The following ULK4 variants were observed in gnomAD, a reference collection of about 807,000 sequenced individuals.
ULK4 encodes the protein inactive serine/threonine-protein kinase ULK4.
In ULK4, 133 loss-of-function variants were observed where a neutral mutation model predicts 160.6. The ratio of observed to expected loss-of-function variants is 0.83; its 90% CI spans 0.72 to 0.96. The LOEUF (loss-of-function observed/expected upper bound fraction) is 0.96, where lower values mean the gene tolerates loss of function less well. Ranked by LOEUF, ULK4 falls within the 40% of genes least tolerant of loss-of-function variation. The pLI is 0.00. For synonymous variants in ULK4, 534 were observed against 539.8 expected (o/e 0.99, Z 0.15); for missense variants, 1,580 against 1,499.5 (o/e 1.05, Z -0.89).
chr3:41,282,731 T>C (rs927917582), intron 35 of ULK4, among the ~76,000 whole-genome samples: 11 of 152,146 alleles, frequency 7.2e-5, no homozygotes, highest in African/African-American at 2.7e-4. Context: ...ATTCAGGACA[T>C]AGGCATGGGC....
intron 35 of ULK4, among the ~76,000 whole-genome samples, chr3:41,299,341 G>A (rs1347306487): frequency 6.6e-6 from 1 of 152,182 alleles, no homozygotes; most frequent in Non-Finnish European, 1.5e-5. Context: ...GGATGCATGA[G>A]GGAGCACAGC....
chr3:41,481,566 G>A (rs944047648), intron 32 of ULK4, among the ~76,000 whole-genome samples: 1 of 152,058 alleles, frequency 6.6e-6, no homozygotes, highest in Admixed American at 6.5e-5. Flanking sequence ...GGTGGCTCAC[G>A]CCTGTAATCC....
rs75008678 is a variant in ULK4, at chr3:41,410,872, C to T, written c.3493-12608G>A. On this transcript the variant is annotated intron_variant, in intron 34 of 36. Coordinates refer to ENST00000301831, the MANE Select transcript of ULK4 (RefSeq NM_017886.4). ...GCCATTCCCCCAAGTGTCTTTGTCT[C>T]TACGTGGCTGTCTTCTCGAAAGGAC... Among the ~76,000 whole-genome samples the T allele has an allele frequency of 2.4e-3, 365 of 152,296 alleles. 2 individuals are homozygous for T. The highest frequency in any genetic ancestry group is 0.015 in the East Asian group (77 of 5,180).
intron 34 of ULK4, among the ~76,000 whole-genome samples, chr3:41,442,521 T>C (rs775805968): frequency 6.6e-6 from 1 of 152,188 alleles, no homozygotes; most frequent in East Asian, 1.9e-4. Flanking sequence ...AGTTAAAACA[T>C]GCAAAATAAT....
At chr3:41,797,612 C>A (rs1284119269) in intron 20 of ULK4, among the ~76,000 whole-genome samples, 2 of 152,184 alleles carry the variant, frequency 1.3e-5, no homozygotes, top group Admixed American at 6.5e-5. Context: ...GTAATCCCAG[C>A]ACTTTGGGAG....
At chr3:41,600,577 T>A (rs529299273) in intron 31 of ULK4, among the ~76,000 whole-genome samples, 1 of 152,220 alleles carries the variant, frequency 6.6e-6, no homozygotes, top group African/African-American at 2.4e-5. Context: ...TGAACAACAC[T>A]GTCCATTCTG....
At chr3:41,882,201 T>C (rs1352249648) in intron 17 of ULK4, 2 of 702,880 alleles carry the variant, frequency 2.8e-6, no homozygotes, top group African/African-American at 3.5e-5. Flanking sequence ...TATCTATACA[T>C]ACACAAGGCA....
intron 31 of ULK4, among the ~76,000 whole-genome samples, chr3:41,570,111 C>T (rs1026300210): frequency 6.6e-6 from 1 of 152,202 alleles, no homozygotes; most frequent in Non-Finnish European, 1.5e-5. Flanking sequence ...AAAATACCCA[C>T]ACTGCATCTG....
At chr3:41,754,157 G>A (rs2038718526) in intron 22 of ULK4, among the ~76,000 whole-genome samples, 1 of 151,900 alleles carries the variant, frequency 6.6e-6, no homozygotes, top group Non-Finnish European at 1.5e-5. Context: ...GGCACACCAG[G>A]GATTTCTCAC....
intron 32 of ULK4, among the ~76,000 whole-genome samples, chr3:41,531,820 G>A (rs2086330742): frequency 6.6e-6 from 1 of 152,162 alleles, no homozygotes; most frequent in African/African-American, 2.4e-5. Context: ...TTTTTCAAAG[G>A]TGGAGTATGC....
intron 21 of ULK4, among the ~76,000 whole-genome samples, chr3:41,780,664 C>T (rs1195812891): frequency 6.6e-6 from 1 of 152,206 alleles, no homozygotes; most frequent in African/African-American, 2.4e-5. Context: ...CTTCCAACCA[C>T]ACAAGCACCA....
At chr3:41,961,550 A>ACCCCACCCCC (rs57463009) in intron 1 of ULK4, among the ~76,000 whole-genome samples, 1 of 124,692 alleles carries the variant, frequency 8.0e-6, no homozygotes, top group Non-Finnish European at 1.6e-5. Context: ...GTAGTCACTC[A>ACCCCACCCCC]CCCCCCCCCC....
At chr3:41,455,459 T>A in intron 34 of ULK4, 38 bp downstream of exon 34, 1 of 1,552,030 alleles carries the variant, frequency 6.4e-7, no homozygotes, top group Non-Finnish European at 8.8e-7. Context: ...TACTTCAACT[T>A]CAGTAATGCC....
intron 22 of ULK4, among the ~76,000 whole-genome samples, chr3:41,731,793 C>A (rs1432244928): frequency 6.6e-6 from 1 of 151,814 alleles, no homozygotes; most frequent in Non-Finnish European, 1.5e-5. Context: ...ACACACAGAC[C>A]AATGACACAC....
intron 21 of ULK4, among the ~76,000 whole-genome samples, chr3:41,757,545 T>C (rs997911040): frequency 1.4e-5 from 2 of 138,916 alleles, no homozygotes; most frequent in African/African-American, 5.6e-5. Context: ...GGCAGGAGAA[T>C]GGTGTGAACC....
At chr3:41,913,596 A>G (rs988438774) in intron 8 of ULK4, among the ~76,000 whole-genome samples, 11 of 152,226 alleles carry the variant, frequency 7.2e-5, no homozygotes, top group African/African-American at 2.7e-4. Flanking sequence ...AACAGAGGCA[A>G]GATTATTTTA....
intron 32 of ULK4, among the ~76,000 whole-genome samples, chr3:41,515,710 G>A (rs947670553): frequency 1.3e-5 from 2 of 152,206 alleles, no homozygotes; most frequent in African/African-American, 4.8e-5. Context: ...TCATTATGAG[G>A]AGAACAGAAG....
At chr3:41,918,794 G>A (rs1271284732) in intron 6 of ULK4, among the ~76,000 whole-genome samples, 3 of 151,742 alleles carry the variant, frequency 2.0e-5, no homozygotes. Context: ...GTAGAGATGG[G>A]GTTTCACCGT....
At chr3:41,708,178 A>G (rs1559499764) in intron 25 of ULK4, among the ~76,000 whole-genome samples, 1 of 76,578 alleles carries the variant, frequency 1.3e-5, no homozygotes, top group East Asian at 2.8e-4. Flanking sequence ...ATACATATAC[A>G]TATATATATA....
Sources: gnomAD v4.1 joint callset for allele counts (sites outside exome capture counted in the v4.1 genomes callset) on GRCh38, gnomAD v4.1.1 for gene constraint, MANE v1.5 for transcripts, NCBI Gene and HGNC (gene_info 2026-07-23, HGNC 2026-07-21) for gene names.